AMACR: variants seen among roughly 807,000 people sequenced by gnomAD.
AMACR encodes the protein 2-methylacyl-CoA racemase.
Under a neutral mutation model 22.2 loss-of-function variants are expected in AMACR, and 18 were observed. The ratio of observed to expected loss-of-function variants is 0.81; its 90% CI spans 0.56 to 1.20. The LOEUF is 1.20. Among genes scored for constraint, AMACR ranks in the 50% most tolerant of loss-of-function variants. AMACR has a pLI of 0.00. For synonymous variants in AMACR, 213 were observed against 191.3 expected, an observed-to-expected ratio of 1.11 and a Z score of -0.94; for missense variants, 499 against 490.6, an observed-to-expected ratio of 1.02 and a Z score of -0.16.
Position 33,988,534 on chromosome 5 carries a change from A to C in AMACR, c.*559T>G. On this transcript the variant is annotated 3_prime_UTR_variant, in exon 5 of 5. Transcript: ENST00000335606. ...TTTTGGATATGTTTTTTTCAGTTGA[A>C]GGCATTCTGATTCAATACAGGTGAA... 2 of 1,396,002 alleles carry C rather than the reference A, an allele frequency of 1.4e-6. No homozygotes were observed. The highest frequency in any genetic ancestry group is 1.4e-5 in the African/African-American group (1 of 69,008). The allele number at this position is 1,396,002 out of a possible 1,614,324, so 86.5% of individuals were successfully genotyped here. A position where few individuals can be genotyped will look rare whatever the true frequency, so the allele number is the denominator to read the frequency against.
chr5:33,996,167 A>T (rs552627650), intron 4 of AMACR, among the ~76,000 whole-genome samples: 9 of 114,012 alleles, frequency 7.9e-5, no homozygotes, highest in East Asian at 2.8e-4. Flanking sequence ...TTGATTTAAT[A>T]AAAAAAAAAG....
At chr5:33,998,945 A>T in intron 3 of AMACR, 118 bp from the exon 4 acceptor site, 1 of 876,204 alleles carries the variant, frequency 1.1e-6, no homozygotes, top group East Asian at 2.6e-5. Flanking sequence ...GAGTATACGA[A>T]GATTCTACCT....
intron 3 of AMACR, among the ~76,000 whole-genome samples, chr5:34,002,404 TAAATTATTC>T (rs1753844543): frequency 6.6e-6 from 1 of 152,262 alleles, no homozygotes; most frequent in Non-Finnish European, 1.5e-5. Context: ...ATCTCTTCAG[TAAATTATTC>T]AAATTATTAC....
At position 33,989,443 on chromosome 5, in the gene AMACR, T is replaced by G. The variant is rs1345292606; in HGVS notation, c.799A>C (p.Met267Leu). ...NQMSMDDWPE[M>L]KKKFADVFAE... The stretch of plus-strand genomic sequence containing the variant: ...AATACATCTGCAAACTTCTTCTTCA[T>G]TTCTGGCCAATCATCCATGCTCATC... The change falls in exon 5 of 5, where the codon ATG becomes CTG. Residue 267 changes from methionine (M) to leucine (L), a missense_variant. Met to Leu is a conservative substitution (Grantham distance 15). Coordinates refer to ENST00000335606, the MANE Select transcript of AMACR (RefSeq NM_014324.6). 12 of 1,614,216 alleles carry G rather than the reference T, an allele frequency of 7.4e-6. No homozygotes were observed. Among genetic ancestry groups the G allele is most frequent in the Non-Finnish European group, 1.0e-5 (12 of 1,180,034 alleles).
chr5:34,007,645 A>G lies in AMACR; in HGVS notation c.247+128T>C. The G allele has an allele frequency of 2.2e-6, 3 of 1,353,986 alleles. No homozygotes were observed. The East Asian group carries it at 7.9e-5, about 36-fold the overall frequency. The allele number at this position is 1,353,986 out of a possible 1,614,324, so 83.9% of individuals were successfully genotyped here. ...ATACCCTAGGAGGCAAAAATCTGGA[A>G]GGCTGGGGCCGACAAGGGTTCTTGC... On this transcript the variant is annotated intron_variant, in intron 1 of 4. Coordinates refer to ENST00000335606, the MANE Select transcript of AMACR (RefSeq NM_014324.6).
chr5:34,003,074 C>A (rs370060081), intron 3 of AMACR, among the ~76,000 whole-genome samples: 12 of 152,318 alleles, frequency 7.9e-5, no homozygotes, highest in Admixed American at 5.2e-4. Context: ...CAACATTTGA[C>A]CCTCTGACCA....
intron 4 of AMACR, chr5:33,997,438 G>A (rs538134685): frequency 3.9e-6 from 3 of 778,488 alleles, no homozygotes; most frequent in African/African-American, 3.4e-5. Flanking sequence ...GATGGCCATT[G>A]CTTCACACTG....
At chr5:33,996,995 G>T in intron 4 of AMACR, 1 of 617,708 alleles carries the variant, frequency 1.6e-6, no homozygotes, top group Non-Finnish European at 3.0e-6. Context: ...AAAATGTCCA[G>T]TATTTTTTTT....
chr5:33,989,029 T>C lies in AMACR; in HGVS notation c.*64A>G. On this transcript the variant is annotated 3_prime_UTR_variant, in exon 5 of 5. Coordinates refer to ENST00000335606, the MANE Select transcript of AMACR (RefSeq NM_014324.6). Reference sequence around the variant, plus strand: ...TTCCTCCATGTTTCCATGCATACAATGTTATGTGTTACTCTACACTGTAAA... The same window carrying C: ...TTCCTCCATGTTTCCATGCATACAACGTTATGTGTTACTCTACACTGTAAA... 1 of 1,608,914 alleles carries C rather than the reference T, an allele frequency of 6.2e-7. No individual in the cohort carries two copies. Among genetic ancestry groups the C allele is most frequent in the Non-Finnish European group, 8.5e-7 (1 of 1,177,750 alleles).
In AMACR at chr5:34,008,030, A is replaced by C. The variant is rs749348579; in HGVS notation, c.-11T>G. ...GCCCTGCAGTGCCATGGCGCTTCCC[A>C]GTGCCCCGCTGAAGGAAACTGAGCA... On this transcript the variant is annotated 5_prime_UTR_variant, in exon 1 of 5. Coordinates refer to ENST00000335606, the MANE Select transcript of AMACR (RefSeq NM_014324.6). 2.2e-5 allele frequency: 35 copies of C among 1,608,824 alleles called. No individual in the cohort carries two copies. The highest frequency in any genetic ancestry group is 2.8e-5 in the Non-Finnish European group (33 of 1,179,606).
chr5:33,991,158 G>A lies in AMACR; in HGVS notation c.740-1656C>T, dbSNP rs1356984434. ...GTGTTCTCTCTTTAACTTTATAGCT[G>A]AGATTACACAGGTCATAGTTTGTAT... On this transcript the variant is annotated intron_variant, in intron 4 of 4. Transcript: ENST00000335606. Among the ~76,000 whole-genome samples, 4 of 152,156 alleles carry A rather than the reference G, an allele frequency of 2.6e-5. No homozygotes were observed. In the East Asian group the frequency reaches 7.7e-4, roughly 29 times the overall value.
rs1381984967 is a variant in AMACR, at chr5:33,989,078, C to T, written c.*15G>A. On this transcript the variant is annotated 3_prime_UTR_variant, in exon 5 of 5. Coordinates refer to ENST00000335606, the MANE Select transcript of AMACR (RefSeq NM_014324.6). ...AATGCAGTATTCAAATTCACTTGAG[C>T]CGTGGGCCTGGAAGTTAGAGACTAG... is the stretch of plus-strand genomic sequence containing the variant. 3 of 1,613,870 alleles carry T rather than the reference C, an allele frequency of 1.9e-6. No individual in the cohort carries two copies. The highest frequency in any genetic ancestry group is 2.7e-5 in the African/African-American group (2 of 74,904).
At position 33,989,461 on chromosome 5, in the gene AMACR, T is replaced by C; in HGVS notation, c.781A>G (p.Met261Val). Residue 261 changes from methionine to valine, a missense_variant, in exon 5 of 5, where the codon ATG (methionine) becomes GTG (valine). Transcript: ENST00000335606. Reference sequence around the variant, plus strand: ...TTCTTCATTTCTGGCCAATCATCCATGCTCATCTGATTGGGAAGTTCATCA... The same window carrying C: ...TTCTTCATTTCTGGCCAATCATCCACGCTCATCTGATTGGGAAGTTCATCA... ...KSDELPNQMS[M>V]DDWPEMKKKF... 2 of 1,614,232 alleles carry C rather than the reference T, an allele frequency of 1.2e-6. No individual in the cohort carries two copies. The highest frequency in any genetic ancestry group is 1.3e-5 in the African/African-American group (1 of 75,068).
chr5:33,996,887 GATTTA>G (rs1753653285), intron 4 of AMACR: 4 of 387,302 alleles, frequency 1.0e-5, no homozygotes, highest in South Asian at 4.7e-5. Context: ...AAAGAATACA[GATTTA>G]ATTTAAGAAA....
At chr5:33,999,825 T>C (rs1753758460) in intron 3 of AMACR, among the ~76,000 whole-genome samples, 1 of 152,254 alleles carries the variant, frequency 6.6e-6, no homozygotes, top group Non-Finnish European at 1.5e-5. Flanking sequence ...GTGACATTTA[T>C]TGTCACCAAA....
In AMACR at chr5:33,988,913, A is replaced by G. The variant is rs1753381472; in HGVS notation, c.*180T>C. 18 of 1,431,890 alleles carry G rather than the reference A, an allele frequency of 1.3e-5. 1 individual carries two copies. In the South Asian group the frequency reaches 2.8e-4, roughly 22 times the overall value. The allele number at this position is 1,431,890 out of a possible 1,614,324, so 88.7% of individuals were successfully genotyped here. A position where few individuals can be genotyped will look rare whatever the true frequency, so the allele number is the denominator to read the frequency against. ...CAAAGTTTTATAAATCAAAAGCCCT[A>G]ATGATAACCATTTTTAGAATTCAAT... is the stretch of plus-strand genomic sequence containing the variant. On this transcript the variant is annotated 3_prime_UTR_variant, in exon 5 of 5. Coordinates refer to ENST00000335606, the MANE Select transcript of AMACR (RefSeq NM_014324.6).
At chr5:34,004,225 T>A (rs893930686) in intron 3 of AMACR, among the ~76,000 whole-genome samples, 2 of 152,214 alleles carry the variant, frequency 1.3e-5, no homozygotes, top group African/African-American at 4.8e-5. Context: ...TTGAAAATGA[T>A]ATACTAAGCA....
chr5:34,001,677 A>G (rs1457035695), intron 3 of AMACR, among the ~76,000 whole-genome samples: 2 of 152,188 alleles, frequency 1.3e-5, no homozygotes, highest in Non-Finnish European at 2.9e-5. Context: ...CATATTCCAG[A>G]GTTATCTTAA....
Position 33,989,036 on chromosome 5 carries a change from T to C in AMACR, c.*57A>G. On this transcript the variant is annotated 3_prime_UTR_variant, in exon 5 of 5. Coordinates refer to ENST00000335606, the MANE Select transcript of AMACR (RefSeq NM_014324.6). ...ATGTTTCCATGCATACAATGTTATG[T>C]GTTACTCTACACTGTAAATGCAGTA... 1.9e-6 allele frequency: 3 copies of C among 1,611,094 alleles called. No homozygotes were observed.
Sources: allele counts gnomAD v4.1 joint callset (sites outside exome capture counted in the v4.1 genomes callset), GRCh38; gene constraint gnomAD v4.1.1; transcripts MANE v1.5; gene names NCBI Gene and HGNC (gene_info 2026-07-23, HGNC 2026-07-21).